MAPK14: variants seen among roughly 807,000 people sequenced by gnomAD.
MAPK14 encodes the protein CSAID-binding protein.
MAPK14 carries 16 observed loss-of-function variants against 49.6 expected under a neutral mutation model. The ratio of observed to expected loss-of-function variants is 0.32; its 90% CI spans 0.22 to 0.49. The LOEUF (loss-of-function observed/expected upper bound fraction) is 0.49. Among genes scored for constraint, MAPK14 ranks in the 20% least tolerant of loss-of-function variants. The pLI, the probability that MAPK14 is intolerant of heterozygous loss-of-function variation, is 0.99. For missense variants in MAPK14, 200 were observed against 441.2 expected, an observed-to-expected ratio of 0.45 and a Z score of 4.90; for synonymous variants, 142 against 158.0, an observed-to-expected ratio of 0.90 and a Z score of 0.76.
chr6:36,080,727 C>T (rs1022485604), intron 8 of MAPK14, among the ~76,000 whole-genome samples: 12 of 152,110 alleles, frequency 7.9e-5, no homozygotes, highest in Non-Finnish European at 1.5e-4. Flanking sequence ...GGAATTGTTG[C>T]ATCATATGGT....
chr6:36,044,212 A>G (rs984627694), intron 1 of MAPK14, among the ~76,000 whole-genome samples: 2 of 152,224 alleles, frequency 1.3e-5, no homozygotes, highest in East Asian at 3.8e-4. Context: ...ATTAACTTCC[A>G]AAAGTAAACC....
intron 9 of MAPK14, among the ~76,000 whole-genome samples, chr6:36,098,268 C>A (rs1010020145): frequency 6.6e-6 from 1 of 152,076 alleles, no homozygotes; most frequent in Non-Finnish European, 1.5e-5. Flanking sequence ...TAGAATGAGC[C>A]ATAGGAAAAG....
At chr6:36,069,895 TA>T (rs1192685470) in intron 3 of MAPK14, among the ~76,000 whole-genome samples, 1 of 152,198 alleles carries the variant, frequency 6.6e-6, no homozygotes, top group Non-Finnish European at 1.5e-5. Context: ...TATTTTTATT[TA>T]AAAATAAGTT....
At chr6:36,108,345 A>G in intron 11 of MAPK14, 35 bp from the exon 12 acceptor site, 2 of 1,522,132 alleles carry the variant, frequency 1.3e-6, no homozygotes, top group Admixed American at 1.7e-5. Context: ...AATAGCCTAA[A>G]CTCTCACATC....
chr6:36,030,796 G>A (rs1377743247), intron 1 of MAPK14, among the ~76,000 whole-genome samples: 1 of 151,638 alleles, frequency 6.6e-6, no homozygotes, highest in Non-Finnish European at 1.5e-5. Context: ...TGTCTTTCCA[G>A]AGAGGCAGTT....
intron 1 of MAPK14, among the ~76,000 whole-genome samples, chr6:36,047,024 C>G (rs533594732): frequency 1.3e-5 from 2 of 152,306 alleles, no homozygotes; most frequent in South Asian, 4.1e-4. Flanking sequence ...GGCCATTTTT[C>G]CAGTCTCACC....
At chr6:36,090,003 C>A (rs1765154101) in intron 8 of MAPK14, among the ~76,000 whole-genome samples, 1 of 152,142 alleles carries the variant, frequency 6.6e-6, no homozygotes. Flanking sequence ...ATGTGTAAAA[C>A]CTTCTTTAAT....
chr6:36,079,081 TG>T (rs1233737567), intron 8 of MAPK14, among the ~76,000 whole-genome samples: 3 of 152,260 alleles, frequency 2.0e-5, no homozygotes, highest in Non-Finnish European at 4.4e-5. Flanking sequence ...TAATCTTGGC[TG>T]GTCTTGAAGA....
chr6:36,088,671 G>A lies in MAPK14; in HGVS notation c.683-7316G>A, dbSNP rs527579650. On this transcript the variant is annotated intron_variant, in intron 8 of 11. Coordinates refer to ENST00000229794, the MANE Select transcript of MAPK14 (RefSeq NM_139012.3). Reference sequence around the variant, plus strand: ...CAGGAGGCGGAGCTGGCAGTGAGCCGAGATCACACCACTGCACTCCAGCCT... The same window carrying A: ...CAGGAGGCGGAGCTGGCAGTGAGCCAAGATCACACCACTGCACTCCAGCCT... Among the ~76,000 whole-genome samples the A allele has an allele frequency of 2.7e-5, 4 of 149,136 alleles. No individual in the cohort carries two copies. The South Asian group carries it at 8.5e-4, about 32-fold the overall frequency.
At chr6:36,103,322 ATTATTTATTTAT>A (rs10696038) in intron 10 of MAPK14, among the ~76,000 whole-genome samples, 4 of 147,396 alleles carry the variant, frequency 2.7e-5, no homozygotes, top group Non-Finnish European at 4.5e-5. Context: ...CTTTATTATT[ATTATTTATTTAT>A]TTATTTATTT....
Position 36,091,609 on chromosome 6 carries a change from G to A in MAPK14, c.683-4378G>A, listed in dbSNP as rs1765232431. On this transcript the variant is annotated intron_variant, in intron 8 of 11. Transcript: ENST00000229794. The stretch of plus-strand genomic sequence containing the variant: ...AATCATAGTGGCCTTATAGTAGCTG[G>A]TACTGTTGGAAGACTGGCCTGTATT... Among the ~76,000 whole-genome samples, 3 of 152,260 alleles carry A rather than the reference G, an allele frequency of 2.0e-5. No homozygotes were observed. In the South Asian group the frequency reaches 6.2e-4, roughly 32 times the overall value.
At chr6:36,074,997 C>A (rs902256794) in intron 6 of MAPK14, among the ~76,000 whole-genome samples, 1 of 151,630 alleles carries the variant, frequency 6.6e-6, no homozygotes, top group Non-Finnish European at 1.5e-5. Context: ...GAGGCCAAGG[C>A]GGGTGGATTA....
At chr6:36,035,409 C>G (rs1265395560) in intron 1 of MAPK14, among the ~76,000 whole-genome samples, 1 of 152,130 alleles carries the variant, frequency 6.6e-6, no homozygotes, top group Non-Finnish European at 1.5e-5. Context: ...ACCAGCTGTT[C>G]CCTCTCTCCA....
At chr6:36,081,818 A>G (rs1272772454) in intron 8 of MAPK14, among the ~76,000 whole-genome samples, 1 of 152,218 alleles carries the variant, frequency 6.6e-6, no homozygotes, top group Non-Finnish European at 1.5e-5. Flanking sequence ...TCAGATTTTT[A>G]GATCACTTTA....
Position 36,039,808 on chromosome 6 carries a change from C to A in MAPK14, c.116+11535C>A, listed in dbSNP as rs561020833. On this transcript the variant is annotated intron_variant, in intron 1 of 11. Coordinates refer to ENST00000229794, the MANE Select transcript of MAPK14 (RefSeq NM_139012.3). ...TCACTTGAGGTCAGGAGTTTGAGAT[C>A]AGCCTGGCCAACATGGTGAAACCCC... Among the ~76,000 whole-genome samples, 43 of 152,136 alleles carry A rather than the reference C, an allele frequency of 2.8e-4. 1 individual carries two copies. The highest frequency in any genetic ancestry group is 2.7e-3 in the Admixed American group (42 of 15,276).
intron 2 of MAPK14, among the ~76,000 whole-genome samples, chr6:36,055,574 C>T (rs1763561637): frequency 6.6e-6 from 1 of 152,002 alleles, no homozygotes. Context: ...AGTCATGTAA[C>T]AGCAGAAGGA....
At chr6:36,068,069 TGGG>T (rs1259151334) in intron 3 of MAPK14, among the ~76,000 whole-genome samples, 5 of 151,218 alleles carry the variant, frequency 3.3e-5, no homozygotes, top group Non-Finnish European at 7.4e-5. Flanking sequence ...AGTACAAGGG[TGGG>T]GGGAAGATGA....
At chr6:36,114,146 C>G (rs959628704), downstream of MAPK14, among the ~76,000 whole-genome samples, 1 of 152,232 alleles carries the variant, frequency 6.6e-6, no homozygotes, top group Non-Finnish European at 1.5e-5. Flanking sequence ...TCCCTTCCCC[C>G]AGTTGGGATA....
At chr6:36,113,597 A>G (rs750989257), downstream of MAPK14, among the ~76,000 whole-genome samples, 11 of 152,178 alleles carry the variant, frequency 7.2e-5, no homozygotes, top group Non-Finnish European at 1.3e-4. Flanking sequence ...TTGATAGGTA[A>G]TGCCTGGCTA....
Sources: allele counts gnomAD v4.1 joint callset (sites outside exome capture counted in the v4.1 genomes callset), GRCh38; gene constraint gnomAD v4.1.1; transcripts MANE v1.5; gene names NCBI Gene and HGNC (gene_info 2026-07-23, HGNC 2026-07-21).